The following PRPSAP1 variants were observed in gnomAD, a reference collection of about 807,000 sequenced individuals.
PRPSAP1 encodes the protein phosphoribosyl pyrophosphate synthetase associated protein 1.
A neutral mutation model predicts 39.4 loss-of-function variants in PRPSAP1; 31 were observed. That is an observed-to-expected ratio of 0.79 (90% CI 0.59 to 1.06). PRPSAP1 has a LOEUF of 1.06. Ranked by LOEUF, PRPSAP1 falls within the 50% of genes least tolerant of loss-of-function variation. The pLI, the probability that PRPSAP1 is intolerant of heterozygous loss-of-function variation, is 0.00. For missense variants in PRPSAP1, 430 were observed against 511.6 expected (o/e 0.84, Z 1.54); for synonymous variants, 212 against 192.6 (o/e 1.10, Z -0.83).
chr17:76,341,509 T>C (rs2071438489), intron 3 of PRPSAP1, among the ~76,000 whole-genome samples: 2 of 152,170 alleles, frequency 1.3e-5, no homozygotes, highest in Admixed American at 6.6e-5. Context: ...CTCAAAGTCC[T>C]GGGATTACAG....
Position 76,312,990 on chromosome 17 carries a change from A to G in PRPSAP1, c.879T>C (p.Ser293=), listed in dbSNP as rs1344459225. ...TCAGGATCTCCGCGGCAGCAACAAA[A>G]CTCTCCACATCGTCAATAATGTCAT... The part of the protein sequence containing the change: ...IVDDIIDDVE[S]FVAAAEILKE... Residue 293 remains serine (S), a synonymous_variant, in exon 9 of 10, where the codon AGT becomes AGC. Transcript: ENST00000446526. 9 of 1,613,504 alleles carry G rather than the reference A, an allele frequency of 5.6e-6. No homozygotes were observed. Among genetic ancestry groups the G allele is most frequent in the Non-Finnish European group, 7.6e-6 (9 of 1,179,908 alleles).
At chr17:76,354,086 C>T, upstream of PRPSAP1, 1 of 1,038,144 alleles carries the variant, frequency 9.6e-7, no homozygotes, top group Non-Finnish European at 1.2e-6. Context: ...GGAGCTCTTT[C>T]GGTCTCACTT....
At chr17:76,345,237 T>TAAAAAA (rs59693380) in intron 2 of PRPSAP1, among the ~76,000 whole-genome samples, 33,376 of 61,228 alleles carry the variant, frequency 0.55, 10,102 homozygotes, top group Non-Finnish European at 0.71. Flanking sequence ...TCCGTCTCAT[T>TAAAAAA]AAAAAAAAAA....
intron 1 of PRPSAP1, among the ~76,000 whole-genome samples, chr17:76,351,099 T>A (rs1365706441): frequency 6.6e-6 from 1 of 152,088 alleles, no homozygotes; most frequent in Non-Finnish European, 1.5e-5. Context: ...TAACAATTTT[T>A]AAAAATACTC....
intron 9 of PRPSAP1, 160 bp downstream of exon 9, chr17:76,312,710 A>C (rs1267534703): frequency 1.2e-6 from 1 of 864,282 alleles, no homozygotes; most frequent in East Asian, 2.6e-5. Flanking sequence ...GTCGTGGACT[A>C]TCTGTATTCC....
intron 7 of PRPSAP1, among the ~76,000 whole-genome samples, chr17:76,315,596 A>G (rs1315236704): frequency 6.6e-6 from 1 of 151,754 alleles, no homozygotes; most frequent in Non-Finnish European, 1.5e-5. Flanking sequence ...AAATCACTTA[A>G]AATGGGGGGA....
At chr17:76,345,409 G>A (rs1264511241) in intron 2 of PRPSAP1, among the ~76,000 whole-genome samples, 1 of 151,894 alleles carries the variant, frequency 6.6e-6, no homozygotes, top group Admixed American at 6.6e-5. Context: ...AGAGCTTGCA[G>A]TGAGCCGTGA....
chr17:76,337,055 G>C (rs1418106804), intron 3 of PRPSAP1, among the ~76,000 whole-genome samples: 1 of 152,100 alleles, frequency 6.6e-6, no homozygotes, highest in Admixed American at 6.6e-5. Context: ...TCTCTAAGTA[G>C]GACATTCTTA....
chr17:76,344,945 A>G lies in PRPSAP1; in HGVS notation c.224-208T>C, dbSNP rs202118343. On this transcript the variant is annotated intron_variant, in intron 2 of 9. Transcript: ENST00000446526. ...ACAAAATCCTGTCTCTACAAAAAAT[A>G]CAAGAATTAGCTGGGCGCGGTGGCT... is the stretch of plus-strand genomic sequence containing the variant. 5.9e-5 allele frequency among the ~76,000 whole-genome samples: 9 copies of G among 152,066 alleles called. No homozygotes were observed. The East Asian group carries it at 1.7e-3, about 29-fold the overall frequency.
intron 1 of PRPSAP1, among the ~76,000 whole-genome samples, chr17:76,350,730 T>C (rs536332745): frequency 6.6e-6 from 1 of 152,240 alleles, no homozygotes; most frequent in South Asian, 2.1e-4. Context: ...AAGTGTACAC[T>C]TAAAAATGGT....
chr17:76,317,451 G>A (rs764636566), intron 7 of PRPSAP1, among the ~76,000 whole-genome samples: 5 of 152,208 alleles, frequency 3.3e-5, no homozygotes, highest in Non-Finnish European at 5.9e-5. Context: ...TTGAACCCGG[G>A]AGGTGGAGGA....
At position 76,346,645 on chromosome 17, in the gene PRPSAP1, A is replaced by G. The variant is rs149680475; in HGVS notation, c.223+1884T>C. On this transcript the variant is annotated intron_variant, in intron 2 of 9. Transcript: ENST00000446526. ...TCTGCCATATTCATTTCACTTCCGG[A>G]AAGTCAGGGTCAGCTTGTGAAAAGT... 6.7e-3 allele frequency among the ~76,000 whole-genome samples: 1,017 copies of G among 152,286 alleles called. 12 individuals carry two copies. Among genetic ancestry groups the G allele is most frequent in the African/African-American group, 0.023 (935 of 41,550 alleles).
chr17:76,341,617 G>T (rs2071439763), intron 3 of PRPSAP1, among the ~76,000 whole-genome samples: 1 of 152,156 alleles, frequency 6.6e-6, no homozygotes, highest in South Asian at 2.1e-4. Flanking sequence ...GTAGTAAAGA[G>T]ACTTCACCAA....
At chr17:76,323,514 GGAA>G (rs1285243588) in intron 7 of PRPSAP1, among the ~76,000 whole-genome samples, 1 of 151,944 alleles carries the variant, frequency 6.6e-6, no homozygotes, top group African/African-American at 2.4e-5. Context: ...ACAGGAGTTT[GGAA>G]GAAGTTGATT....
intron 7 of PRPSAP1, among the ~76,000 whole-genome samples, chr17:76,320,880 C>A (rs2071189680): frequency 6.6e-6 from 1 of 151,618 alleles, no homozygotes; most frequent in Non-Finnish European, 1.5e-5. Context: ...CTCCTGGACT[C>A]AAGGGAACCT....
At chr17:76,328,910 G>C (rs752168923) in intron 6 of PRPSAP1, 48 bp from the exon 7 acceptor site, 4 of 1,552,494 alleles carry the variant, frequency 2.6e-6, no homozygotes, top group Non-Finnish European at 3.5e-6. Context: ...GAAATCCCAC[G>C]CATCACTACG....
At chr17:76,337,491 T>C (rs890511231) in intron 3 of PRPSAP1, 1 of 152,338 alleles carries the variant, frequency 6.6e-6, no homozygotes, top group South Asian at 2.1e-4. Context: ...TACGCATTCA[T>C]TAAACTAGCC....
chr17:76,353,623 C>T lies in PRPSAP1; in HGVS notation c.81G>A (p.Pro27=), dbSNP rs1236883069. The T allele has an allele frequency of 6.5e-7, 1 of 1,548,390 alleles. No homozygotes were observed. The highest frequency in any genetic ancestry group is 2.5e-5 in the East Asian group (1 of 39,360). The part of the protein sequence containing the change: ...FRVPRARPVP[P]PAMNAARTGY... Reference sequence around the variant, plus strand: ...CGGTGCGAGCGGCGTTCATGGCCGGCGGGGGAACGGGGCGGGCGCGCGGGA... The same window carrying T: ...CGGTGCGAGCGGCGTTCATGGCCGGTGGGGGAACGGGGCGGGCGCGCGGGA... The change falls in exon 1 of 10, where the codon CCG becomes CCA. Residue 27 remains proline (P), a synonymous_variant. Coordinates refer to ENST00000446526, the MANE Select transcript of PRPSAP1 (RefSeq NM_002766.3).
chr17:76,346,038 G>A, intron 2 of PRPSAP1: 1 of 431,316 alleles, frequency 2.3e-6, no homozygotes, highest in East Asian at 6.3e-5. Context: ...GCGAGGAGGG[G>A]AATGACTCTA....
Sources: allele counts gnomAD v4.1 joint callset (sites outside exome capture counted in the v4.1 genomes callset), GRCh38; gene constraint gnomAD v4.1.1; transcripts MANE v1.5; gene names NCBI Gene and HGNC (gene_info 2026-07-23, HGNC 2026-07-21).